The following CDH6 variants were observed in gnomAD, a reference collection of about 807,000 sequenced individuals.
CDH6 encodes cadherin-6.
Under a neutral mutation model 78.0 loss-of-function variants are expected in CDH6, and 31 were observed. The ratio of observed to expected loss-of-function variants is 0.40; its 90% CI spans 0.30 to 0.54. The LOEUF (loss-of-function observed/expected upper bound fraction) is 0.54. CDH6 is among the 20% of genes least tolerant of loss of function. The probability of loss-of-function intolerance (pLI) is 0.56; values close to 1 mark genes in which losing one functional copy is unlikely to be tolerated. For missense variants in CDH6, 724 were observed against 975.9 expected (o/e 0.74, Z 3.44); for synonymous variants, 376 against 368.8 (o/e 1.02, Z -0.23).
intron 1 of CDH6, among the ~76,000 whole-genome samples, chr5:31,219,600 C>T (rs1371888430): frequency 6.6e-6 from 1 of 152,060 alleles, no homozygotes; most frequent in Non-Finnish European, 1.5e-5. Context: ...ATCACATTAC[C>T]CAGTTTCATT....
chr5:31,240,308 A>C (rs1741563978), intron 1 of CDH6, among the ~76,000 whole-genome samples: 1 of 152,176 alleles, frequency 6.6e-6, no homozygotes, highest in African/African-American at 2.4e-5. Flanking sequence ...AGTCCTATGA[A>C]ACACACTTTG....
chr5:31,196,346 T>A (rs576706557), intron 1 of CDH6, among the ~76,000 whole-genome samples: 1 of 152,360 alleles, frequency 6.6e-6, no homozygotes, highest in Non-Finnish European at 1.5e-5. Flanking sequence ...AAATTAGGAC[T>A]AATTGAGTGA....
chr5:31,261,051 T>A (rs1472584090), intron 1 of CDH6, among the ~76,000 whole-genome samples: 1 of 152,218 alleles, frequency 6.6e-6, no homozygotes, highest in East Asian at 1.9e-4. Flanking sequence ...GCAAGCTTAA[T>A]TGGCTGTAAA....
chr5:31,206,153 T>TAGATGATA (rs143599649), intron 1 of CDH6, among the ~76,000 whole-genome samples: 2 of 151,520 alleles, frequency 1.3e-5, no homozygotes, highest in East Asian at 2.0e-4. Flanking sequence ...GATAGATAGA[T>TAGATGATA]GATAGAATAG....
At chr5:31,249,082 C>T (rs1449897339) in intron 1 of CDH6, 8 of 151,998 alleles carry the variant, frequency 5.3e-5, no homozygotes, top group African/African-American at 1.9e-4. Context: ...CTAATCATTC[C>T]ACAATGTATA....
intron 6 of CDH6, among the ~76,000 whole-genome samples, chr5:31,302,919 G>GA (rs1442564343): frequency 8.6e-6 from 1 of 116,648 alleles, no homozygotes; most frequent in Non-Finnish European, 1.9e-5. Context: ...AAGAAAGAAA[G>GA]AAAGAAAGAA....
chr5:31,229,428 C>G (rs1378112424), intron 1 of CDH6, among the ~76,000 whole-genome samples: 2 of 152,192 alleles, frequency 1.3e-5, no homozygotes, highest in Admixed American at 6.5e-5. Context: ...GAATGAGGAA[C>G]TGGAGGCTCA....
intron 1 of CDH6, among the ~76,000 whole-genome samples, chr5:31,228,143 T>C (rs968499689): frequency 6.6e-6 from 1 of 152,146 alleles, no homozygotes; most frequent in Non-Finnish European, 1.5e-5. Context: ...TCTCTCTTTG[T>C]CTCGGACTCA....
intron 1 of CDH6, among the ~76,000 whole-genome samples, chr5:31,263,410 C>G (rs1742263209): frequency 6.6e-6 from 1 of 151,166 alleles, no homozygotes; most frequent in Admixed American, 6.6e-5. Flanking sequence ...GCACCTGCCA[C>G]CATGCCCAGC....
rs763546406 is a variant in CDH6 at position 31,294,066 on chromosome 5, G to T, written c.333G>T (p.Gln111His). ...FIINENTGDI[Q>H]ATKRLDREEK... ...TTAATGAAAACACAGGCGACATACA[G>T]GCCACCAAGAGGCTGGACAGGGAAG... The change falls in exon 3 of 12, where the codon CAG (glutamine) becomes CAT (histidine). Residue 111 changes from glutamine (Q) to histidine (H), a missense_variant. Transcript: ENST00000265071. This position sits in a 1 kb window ranked among gnomAD's most constrained non-coding sequence, Gnocchi z 4.1. The T allele has an allele frequency of 6.2e-7, 1 of 1,613,746 alleles. No homozygotes were observed. Among genetic ancestry groups the T allele is most frequent in the South Asian group, 1.1e-5 (1 of 91,034 alleles).
Position 31,265,916 on chromosome 5 carries a change from A to T in CDH6, c.-128-1430A>T, listed in dbSNP as rs1268817451. Among the ~76,000 whole-genome samples, 225 of 151,754 alleles carry T rather than the reference A, an allele frequency of 1.5e-3. 1 individual carries two copies. Among genetic ancestry groups the T allele is most frequent in the Middle Eastern group, 0.01 (3 of 294 alleles). ...CAGCCTCCCAAGTAGCTGGGACTACAGGTGCCCGCCACCACGCCCGGCTAA... is the reference window on the plus strand; with the variant it reads ...CAGCCTCCCAAGTAGCTGGGACTACTGGTGCCCGCCACCACGCCCGGCTAA... On this transcript the variant is annotated intron_variant, in intron 1 of 11. Coordinates refer to ENST00000265071, the MANE Select transcript of CDH6 (RefSeq NM_004932.4).
intron 7 of CDH6, among the ~76,000 whole-genome samples, chr5:31,312,642 G>T (rs1240984978): frequency 6.6e-6 from 1 of 152,166 alleles, no homozygotes; most frequent in Admixed American, 6.5e-5. Flanking sequence ...AGTAAACCAA[G>T]ATCATGCCAC....
At position 31,325,865 on chromosome 5, in the gene CDH6, T is replaced by A. The variant is rs576604065; in HGVS notation, c.*2557T>A. 496 of 231,790 alleles carry A rather than the reference T, an allele frequency of 2.1e-3. 3 individuals are homozygous for A. The highest frequency in any genetic ancestry group is 0.01 in the African/African-American group (468 of 45,408). The allele number at this position is 231,790 out of a possible 1,614,324, so 14.4% of individuals were successfully genotyped here. Reference sequence around the variant, plus strand: ...TGGGGCTAAATATTTAGTACCAGGGTACTGTAAGTATCAAGTTGGAGTGAC... The same window carrying A: ...TGGGGCTAAATATTTAGTACCAGGGAACTGTAAGTATCAAGTTGGAGTGAC... On this transcript the variant is annotated 3_prime_UTR_variant, in exon 12 of 12. Coordinates refer to ENST00000265071, the MANE Select transcript of CDH6 (RefSeq NM_004932.4).
intron 1 of CDH6, among the ~76,000 whole-genome samples, chr5:31,214,246 C>T (rs963365686): frequency 6.6e-6 from 1 of 151,910 alleles, no homozygotes; most frequent in Non-Finnish European, 1.5e-5. Context: ...ACAACTCAAT[C>T]ACTCTTGTTT....
At chr5:31,308,739 C>T (rs1024749415) in intron 7 of CDH6, among the ~76,000 whole-genome samples, 2 of 152,030 alleles carry the variant, frequency 1.3e-5, no homozygotes, top group Non-Finnish European at 2.9e-5. Context: ...CTGCCTTCAA[C>T]TAAAAATTCT....
chr5:31,325,493 G>A lies in CDH6; in HGVS notation c.*2185G>A, dbSNP rs943882199. On this transcript the variant is annotated 3_prime_UTR_variant, in exon 12 of 12. Transcript: ENST00000265071. ...CAATAGAACAGCACCTTAATCACAC[G>A]ATTTACTGTAAAATTAAAGAGGTCT... The A allele has an allele frequency of 7.4e-5, 17 of 230,576 alleles. No homozygotes were observed. The East Asian group carries it at 8.6e-4, about 12-fold the overall frequency. 14.3% of individuals were successfully genotyped at this position (230,576 alleles called of 1,614,324 possible). A position where few individuals can be genotyped will look rare whatever the true frequency, so the allele number is the denominator to read the frequency against.
At chr5:31,239,700 C>T (rs1741545626) in intron 1 of CDH6, among the ~76,000 whole-genome samples, 1 of 152,138 alleles carries the variant, frequency 6.6e-6, no homozygotes, top group African/African-American at 2.4e-5. Flanking sequence ...AAAGGGGGCG[C>T]ATGTGATGAA....
At position 31,317,898 on chromosome 5, in the gene CDH6, T is replaced by C; in HGVS notation, c.1856T>C (p.Ile619Thr). 1 of 1,613,804 alleles carries C rather than the reference T, an allele frequency of 6.2e-7. No homozygotes were observed. Among genetic ancestry groups the C allele is most frequent in the Non-Finnish European group, 8.5e-7 (1 of 1,180,032 alleles). Reference protein sequence around the residue: ...TGLSTGALVAILLCIVILLVT... With the variant: ...TGLSTGALVATLLCIVILLVT... ...CTGAGCACGGGGGCTCTGGTTGCCA[T>C]CCTTCTGTGCATCGTGATCCTACTA... Residue 619 changes from isoleucine (I) to threonine (T), a missense_variant, in exon 11 of 12, where the codon ATC becomes ACC. By Grantham distance (89) the Ile-to-Thr change is moderately conservative (BLOSUM62 -1). Around this residue, in one of 3 missense-constraint regions of CDH6, gnomAD observed 220 missense variants for 240.6 expected, o/e 0.91. Coordinates refer to ENST00000265071, the MANE Select transcript of CDH6 (RefSeq NM_004932.4).
Position 31,302,790 on chromosome 5 carries a change from GAGAGAGAGAGAAAGAAAGAAAGAA to G in CDH6, c.999+496_999+519del, listed in dbSNP as rs1188905275. ...GAAAGAAAGAAGAAAGAGAGAGAGA[GAGAGAGAGAGAAAGAAAGAAAGAA>G]AGAAAGAAAGAAAGAAAGAAAGAAA... is the stretch of plus-strand genomic sequence containing the variant. On this transcript the variant is annotated intron_variant, in intron 6 of 11. Transcript: ENST00000265071. Among the ~76,000 whole-genome samples, 761 of 95,308 alleles carry G rather than the reference GAGAGAGAGAGAAAGAAAGAAAGAA, an allele frequency of 8.0e-3. 9 individuals carry two copies. Among genetic ancestry groups the G allele is most frequent in the Middle Eastern group, 0.022 (4 of 182 alleles). 62.5% of individuals were successfully genotyped at this position (95,308 alleles called of 152,430 possible). A position where few individuals can be genotyped will look rare whatever the true frequency, so the allele number is the denominator to read the frequency against.
Sources: gnomAD v4.1 joint callset for allele counts (sites outside exome capture counted in the v4.1 genomes callset) on GRCh38, gnomAD v4.1.1 for gene constraint, gnomAD v4.1.1 regional missense constraint, Gnocchi (gnomAD v3.1) non-coding constraint, MANE v1.5 for transcripts, NCBI Gene and HGNC (gene_info 2026-07-23, HGNC 2026-07-21) for gene names.